Variants in CEP128 observed in about 807,000 individuals in gnomAD.
CEP128 encodes centrosomal protein 128.
CEP128 carries 132 observed loss-of-function variants against 156.7 expected under a neutral mutation model. The observed-to-expected ratio is 0.84, with a 90% CI of 0.73 to 0.97. The LOEUF (loss-of-function observed/expected upper bound fraction) is 0.97. Among genes scored for constraint, CEP128 ranks in the 50% least tolerant of loss-of-function variants. The pLI, the probability that CEP128 is intolerant of heterozygous loss-of-function variation, is 0.00. For missense variants in CEP128, 1,252 were observed against 1,281.9 expected (o/e 0.98, Z 0.36); for synonymous variants, 469 against 448.9 (o/e 1.04, Z -0.57).
At chr14:80,651,770 T>C (rs1309636635) in intron 19 of CEP128, among the ~76,000 whole-genome samples, 1 of 152,266 alleles carries the variant, frequency 6.6e-6, no homozygotes, top group Non-Finnish European at 1.5e-5. Context: ...GATTGTACTG[T>C]GGTATGAGAC....
chr14:80,627,182 T>C (rs964863662), intron 19 of CEP128, among the ~76,000 whole-genome samples: 4 of 152,122 alleles, frequency 2.6e-5, no homozygotes, highest in Non-Finnish European at 5.9e-5. Flanking sequence ...ACACAGAAAA[T>C]ATTAGAACAT....
intron 19 of CEP128, among the ~76,000 whole-genome samples, chr14:80,581,908 C>T (rs1230703224): frequency 6.6e-6 from 1 of 152,194 alleles, no homozygotes; most frequent in Non-Finnish European, 1.5e-5. Flanking sequence ...TCACTTCTTG[C>T]ATCTGGGCTG....
intron 2 of CEP128, chr14:80,955,582 C>G: frequency 6.8e-7 from 1 of 1,469,434 alleles, no homozygotes; most frequent in Admixed American, 1.7e-5. Flanking sequence ...CCCACCCCTC[C>G]CGCTCCCGGG....
At chr14:80,551,852 C>G (rs1418674777) in intron 21 of CEP128, among the ~76,000 whole-genome samples, 6 of 152,076 alleles carry the variant, frequency 3.9e-5, no homozygotes. Context: ...TTGTTCTTAA[C>G]AAAAATATAT....
chr14:80,651,026 C>CG (rs1566834374), intron 19 of CEP128, among the ~76,000 whole-genome samples: 1 of 152,034 alleles, frequency 6.6e-6, no homozygotes, highest in Non-Finnish European at 1.5e-5. Flanking sequence ...TGGTAGAATT[C>CG]GGCTGTGAAT....
intron 18 of CEP128, among the ~76,000 whole-genome samples, chr14:80,754,210 C>A (rs1298194296): frequency 6.6e-6 from 1 of 152,190 alleles, no homozygotes; most frequent in Non-Finnish European, 1.5e-5. Flanking sequence ...GTCATACCTT[C>A]ATATTTTACT....
At position 80,571,644 on chromosome 14, in the gene CEP128, T is replaced by C. The variant is rs980451699; in HGVS notation, c.2856+8730A>G. ...TTGCAGCTCATTTTAGTTTTGTCAC[T>C]TTTTGCACAATTTAAAATTTATGGA... On this transcript the variant is annotated intron_variant, in intron 20 of 24. Transcript: ENST00000555265. Among the ~76,000 whole-genome samples, 3 of 152,206 alleles carry C rather than the reference T, an allele frequency of 2.0e-5. No individual in the cohort carries two copies. The East Asian group carries it at 5.8e-4, about 29-fold the overall frequency.
chr14:80,780,502 T>C (rs1395410110), intron 15 of CEP128, among the ~76,000 whole-genome samples: 2 of 152,068 alleles, frequency 1.3e-5, no homozygotes, highest in African/African-American at 4.8e-5. Flanking sequence ...AGGGAATAGC[T>C]TTAACACCCC....
intron 8 of CEP128, among the ~76,000 whole-genome samples, chr14:80,885,581 A>C (rs1448201440): frequency 6.6e-6 from 1 of 152,186 alleles, no homozygotes; most frequent in Non-Finnish European, 1.5e-5. Context: ...CAGTAACATC[A>C]ACATAACAAA....
chr14:80,506,397 C>T (rs1887974651), intron 23 of CEP128, among the ~76,000 whole-genome samples: 2 of 120,414 alleles, frequency 1.7e-5, no homozygotes, highest in South Asian at 6.0e-4. Flanking sequence ...AGAAGGATGA[C>T]AAGCTTTGAT....
intron 19 of CEP128, among the ~76,000 whole-genome samples, chr14:80,694,384 C>A (rs1196520663): frequency 1.3e-5 from 2 of 152,072 alleles, no homozygotes; most frequent in South Asian, 4.1e-4. Context: ...ATTTGACCCA[C>A]AAATCCCATT....
At chr14:80,628,617 T>C (rs1040225691) in intron 19 of CEP128, among the ~76,000 whole-genome samples, 2 of 152,150 alleles carry the variant, frequency 1.3e-5, no homozygotes, top group African/African-American at 4.8e-5. Flanking sequence ...AATATGAAGT[T>C]ATTATAGGGC....
At position 80,793,115 on chromosome 14, in the gene CEP128, G is replaced by A. The variant is rs567140632; in HGVS notation, c.1210-5C>T. 47 of 1,601,648 alleles carry A rather than the reference G, an allele frequency of 2.9e-5. No individual in the cohort carries two copies. Among genetic ancestry groups the A allele is most frequent in the East Asian group, 2.5e-4 (11 of 44,676 alleles). On this transcript the variant is annotated splice_polypyrimidine_tract_variant and splice_region_variant and intron_variant, in intron 13 of 24. Transcript: ENST00000555265. ...CTCCAGTTCACGTGTTAAATTCTAC[G>A]AATAAAGCATGCAAAACATTAGGAA...
intron 2 of CEP128, among the ~76,000 whole-genome samples, chr14:80,937,519 G>A (rs1356152392): frequency 1.3e-5 from 2 of 152,078 alleles, no homozygotes; most frequent in Admixed American, 1.3e-4. Flanking sequence ...GGGCAACAGA[G>A]TGAATGAATT....
At chr14:80,486,629 G>C (rs1887172310), downstream of CEP128, among the ~76,000 whole-genome samples, 1 of 152,140 alleles carries the variant, frequency 6.6e-6, no homozygotes, top group South Asian at 2.1e-4. Flanking sequence ...GAAACGTTGG[G>C]TTACCCACAA....
At chr14:80,747,880 G>A (rs186717482) in intron 18 of CEP128, among the ~76,000 whole-genome samples, 1 of 152,274 alleles carries the variant, frequency 6.6e-6, no homozygotes, top group Admixed American at 6.5e-5. Flanking sequence ...TGGATTTATA[G>A]GTGATGGCTA....
chr14:80,539,741 G>A lies in CEP128; in HGVS notation c.2881-8855C>T, dbSNP rs556825631. Among the ~76,000 whole-genome samples the A allele has an allele frequency of 1.9e-4, 28 of 151,094 alleles. No homozygotes were observed. The South Asian group carries it at 3.0e-3, about 16-fold the overall frequency. On this transcript the variant is annotated intron_variant, in intron 21 of 24. Coordinates refer to ENST00000555265, the MANE Select transcript of CEP128 (RefSeq NM_152446.5). ...CCATATTTTTCTTCTTGCAGAGAGC[G>A]TATAAACAGATGTGCAAGTAGGAGA...
At chr14:80,524,412 T>A (rs1225958369) in intron 23 of CEP128, among the ~76,000 whole-genome samples, 1 of 152,210 alleles carries the variant, frequency 6.6e-6, no homozygotes, top group African/African-American at 2.4e-5. Flanking sequence ...TTCCTATTTC[T>A]CTTATCTGAA....
intron 5 of CEP128, chr14:80,905,479 TAC>T: frequency 6.4e-6 from 1 of 156,784 alleles, no homozygotes; most frequent in African/African-American, 2.4e-5. Flanking sequence ...CTCAGTGCTA[TAC>T]AAAAGTGTAA....
Sources: allele counts gnomAD v4.1 joint callset (sites outside exome capture counted in the v4.1 genomes callset), GRCh38; gene constraint gnomAD v4.1.1; transcripts MANE v1.5; gene names NCBI Gene and HGNC (gene_info 2026-07-23, HGNC 2026-07-21).